Variants in RGS7 observed in about 807,000 individuals in gnomAD.
RGS7 encodes the protein regulator of G protein signaling 7, also known as regulator of G-protein signaling 7.
In RGS7, 27 loss-of-function variants were observed where a neutral mutation model predicts 81.1. The observed-to-expected ratio is 0.33, with a 90% CI of 0.25 to 0.46. RGS7 has a LOEUF of 0.46. Among genes scored for constraint, RGS7 ranks in the 20% least tolerant of loss-of-function variants. The pLI, the probability that RGS7 is intolerant of heterozygous loss-of-function variation, is 1.00. For missense variants in RGS7, 396 were observed against 607.4 expected (o/e 0.65, Z 3.66); for synonymous variants, 208 against 207.7 (o/e 1.00, Z -0.01).
intron 7 of RGS7, among the ~76,000 whole-genome samples, chr1:240,869,750 G>C (rs1282567305): frequency 6.6e-6 from 1 of 151,952 alleles, no homozygotes; most frequent in African/African-American, 2.4e-5. Context: ...GACCAGCCTG[G>C]CCAACATGAC....
intron 2 of RGS7, among the ~76,000 whole-genome samples, chr1:241,302,042 T>C (rs1314017466): frequency 6.6e-6 from 1 of 152,172 alleles, no homozygotes; most frequent in African/African-American, 2.4e-5. Flanking sequence ...GGACATTAAA[T>C]GGGGCCCTTA....
At chr1:241,335,074 CA>C (rs954606901) in intron 2 of RGS7, among the ~76,000 whole-genome samples, 1 of 152,058 alleles carries the variant, frequency 6.6e-6, no homozygotes, top group Non-Finnish European at 1.5e-5. Flanking sequence ...AACAGCACAG[CA>C]AAAAACTGCA....
intron 9 of RGS7, among the ~76,000 whole-genome samples, chr1:240,833,554 C>A (rs1380236646): frequency 6.6e-6 from 1 of 152,078 alleles, no homozygotes; most frequent in Non-Finnish European, 1.5e-5. Context: ...ATATTTTTGG[C>A]TTACAGTGGC....
intron 2 of RGS7, among the ~76,000 whole-genome samples, chr1:241,219,432 C>T (rs969277757): frequency 1.3e-5 from 2 of 152,174 alleles, no homozygotes; most frequent in Admixed American, 1.3e-4. Flanking sequence ...TCCAATTAAA[C>T]CTCTTTCTTT....
intron 2 of RGS7, among the ~76,000 whole-genome samples, chr1:241,248,638 T>A (rs1220290864): frequency 6.6e-6 from 1 of 152,080 alleles, no homozygotes; most frequent in Non-Finnish European, 1.5e-5. Flanking sequence ...TCTCCTCCAC[T>A]GCATTTTAAG....
rs554625629 is a variant in RGS7 at position 241,129,212 on chromosome 1, T to C, written c.79-30450A>G. Among the ~76,000 whole-genome samples, 9 of 151,272 alleles carry C rather than the reference T, an allele frequency of 5.9e-5. No homozygotes were observed. The South Asian group carries it at 1.5e-3, about 25-fold the overall frequency. On this transcript the variant is annotated intron_variant, in intron 2 of 18. Transcript: ENST00000440928. ...TCTTGCAAAATGCCATAAATGACCT[T>C]GCGTGTTTAAGTGTACCACTGAGGG...
intron 2 of RGS7, among the ~76,000 whole-genome samples, chr1:241,208,713 G>A (rs1010872174): frequency 6.6e-6 from 1 of 152,164 alleles, no homozygotes; most frequent in African/African-American, 2.4e-5. Context: ...CAACACTACA[G>A]AAGCTGTTCA....
intron 2 of RGS7, among the ~76,000 whole-genome samples, chr1:241,151,196 A>G (rs540837809): frequency 2.0e-4 from 31 of 152,246 alleles, no homozygotes; most frequent in South Asian, 1.5e-3. Context: ...GCATCCCTCA[A>G]TCTAGTCAAG....
chr1:241,013,387 C>T (rs2059070412), intron 3 of RGS7, among the ~76,000 whole-genome samples: 1 of 152,146 alleles, frequency 6.6e-6, no homozygotes, highest in African/African-American at 2.4e-5. Flanking sequence ...GAGTCTCACA[C>T]TTTGTGTATG....
At chr1:241,177,852 T>G (rs2071275262) in intron 2 of RGS7, among the ~76,000 whole-genome samples, 1 of 150,478 alleles carries the variant, frequency 6.6e-6, no homozygotes, top group South Asian at 2.1e-4. Flanking sequence ...TTGGAAAGTG[T>G]CATTTGCTGA....
At chr1:241,260,222 T>C (rs1324063332) in intron 2 of RGS7, among the ~76,000 whole-genome samples, 1 of 152,200 alleles carries the variant, frequency 6.6e-6, no homozygotes, top group Non-Finnish European at 1.5e-5. Context: ...TCAATTACTT[T>C]ATTGCTTCTC....
chr1:241,139,640 A>T (rs2103077497), intron 2 of RGS7, among the ~76,000 whole-genome samples: 1 of 152,234 alleles, frequency 6.6e-6, no homozygotes, highest in Non-Finnish European at 1.5e-5. Flanking sequence ...AGGGGGTCTT[A>T]TTCACATCCT....
At chr1:240,775,233 G>T (rs1682780484), downstream of RGS7, among the ~76,000 whole-genome samples, 2 of 152,182 alleles carry the variant, frequency 1.3e-5, no homozygotes, top group Admixed American at 6.5e-5. Context: ...ATATACAGAT[G>T]CATATTCATC....
chr1:241,013,668 T>G (rs1003464177), intron 3 of RGS7, among the ~76,000 whole-genome samples: 2 of 152,204 alleles, frequency 1.3e-5, no homozygotes, highest in Non-Finnish European at 2.9e-5. Flanking sequence ...GCCTTCACTC[T>G]GCTGGTGAGA....
In RGS7 at chr1:241,217,704, C is replaced by T. The variant is rs573837557; in HGVS notation, c.79-118942G>A. Reference sequence around the variant, plus strand: ...AAATCTAAAGGGCTATCCAATCACACGGTTGGCACCAATTACTCATTTAAC... The same window carrying T: ...AAATCTAAAGGGCTATCCAATCACATGGTTGGCACCAATTACTCATTTAAC... On this transcript the variant is annotated intron_variant, in intron 2 of 18. Transcript: ENST00000440928. Among the ~76,000 whole-genome samples the T allele has an allele frequency of 9.8e-5, 15 of 152,332 alleles. No individual in the cohort carries two copies. The South Asian group carries it at 2.1e-3, about 21-fold the overall frequency.
At chr1:240,936,417 C>A (rs967077168) in intron 5 of RGS7, among the ~76,000 whole-genome samples, 183 bp downstream of exon 5, 6 of 152,200 alleles carry the variant, frequency 3.9e-5, no homozygotes, top group East Asian at 1.9e-4. Context: ...ACTAAGCATA[C>A]TTTATCTTTC....
At chr1:240,793,036 A>G (rs1686284914) in intron 18 of RGS7, among the ~76,000 whole-genome samples, 1 of 152,134 alleles carries the variant, frequency 6.6e-6, no homozygotes, top group South Asian at 2.1e-4. Context: ...AAGACTTCAT[A>G]TTCATTGGAA....
At chr1:241,340,816 TAGG>T (rs1195082084) in intron 2 of RGS7, among the ~76,000 whole-genome samples, 2 of 138,372 alleles carry the variant, frequency 1.4e-5, no homozygotes, top group Non-Finnish European at 3.2e-5. Context: ...TGGAGGAAAA[TAGG>T]AGAAGTAAGA....
At chr1:241,089,021 A>ATCCCTCTCTCTCTCTC (rs2063667558) in intron 3 of RGS7, among the ~76,000 whole-genome samples, 1 of 23,652 alleles carries the variant, frequency 4.2e-5, no homozygotes, top group Non-Finnish European at 6.8e-5. Context: ...GCAAGACTCC[A>ATCCCTCTCTCTCTCTC]TCTCTCTCTC....
Sources: allele counts gnomAD v4.1 joint callset (sites outside exome capture counted in the v4.1 genomes callset), GRCh38; gene constraint gnomAD v4.1.1; transcripts MANE v1.5; gene names NCBI Gene and HGNC (gene_info 2026-07-23, HGNC 2026-07-21).